UBE2W: variants seen among roughly 807,000 people sequenced by gnomAD.
UBE2W encodes ubiquitin-conjugating enzyme E2 W.
A neutral mutation model predicts 27.2 loss-of-function variants in UBE2W; 18 were observed. The observed-to-expected ratio is 0.66, with a 90% CI of 0.46 to 0.98. The LOEUF (loss-of-function observed/expected upper bound fraction) is 0.98. Ranked by LOEUF, UBE2W falls within the 50% of genes least tolerant of loss-of-function variation. UBE2W has a pLI of 0.00. For missense variants in UBE2W, 90 were observed against 180.2 expected (o/e 0.50, Z 2.87); for synonymous variants, 53 against 57.2 (o/e 0.93, Z 0.33).
intron 1 of UBE2W, among the ~76,000 whole-genome samples, chr8:73,849,371 G>C (rs1472654726): frequency 6.6e-6 from 1 of 151,894 alleles, no homozygotes; most frequent in Non-Finnish European, 1.5e-5. Context: ...AATCAGCTGG[G>C]CATGGTGGCG....
downstream of UBE2W, among the ~76,000 whole-genome samples, chr8:73,785,448 C>T (rs568436473): frequency 6.6e-6 from 1 of 152,128 alleles, no homozygotes; most frequent in Non-Finnish European, 1.5e-5. Flanking sequence ...TAGCCCATGA[C>T]AGTATTAAAG....
rs181242343 is a variant in UBE2W, at chr8:73,796,025, C to G, written c.443-1910G>C. The G allele has an allele frequency of 4.5e-4, 54 of 119,170 alleles. No homozygotes were observed. The Admixed American group carries it at 6.2e-3, about 14-fold the overall frequency. 7.4% of individuals were successfully genotyped at this position (119,170 alleles called of 1,614,324 possible). On this transcript the variant is annotated intron_variant, in intron 5 of 5. Coordinates refer to ENST00000602593, the MANE Select transcript of UBE2W (RefSeq NM_018299.6). ...ATCGCTTGAGTCTCAGAGGTTGAGG[C>G]TGCAGTGAGCCGTGATCCCTAGCCA... is the stretch of plus-strand genomic sequence containing the variant.
rs180965642 is a variant in UBE2W at position 73,870,623 on chromosome 8, A to G, written c.15+8185T>C. On this transcript the variant is annotated intron_variant, in intron 1 of 5. Coordinates refer to ENST00000602593, the MANE Select transcript of UBE2W (RefSeq NM_018299.6). The stretch of plus-strand genomic sequence containing the variant: ...GTGCTCACTTATTCATTTATTCGAC[A>G]TTTACTGAACTCTCCTACATGTCAG... 8.1e-4 allele frequency among the ~76,000 whole-genome samples: 124 copies of G among 152,226 alleles called. 1 individual carries two copies. Among genetic ancestry groups the G allele is most frequent in the Middle Eastern group, 3.4e-3 (1 of 294 alleles).
intron 1 of UBE2W, among the ~76,000 whole-genome samples, chr8:73,861,173 G>C (rs551436402): frequency 1.3e-5 from 2 of 152,178 alleles, no homozygotes; most frequent in Non-Finnish European, 2.9e-5. Flanking sequence ...ACTAATAATA[G>C]TTGCTAAATA....
intron 2 of UBE2W, among the ~76,000 whole-genome samples, chr8:73,827,448 G>T (rs1255729676): frequency 6.6e-6 from 1 of 151,972 alleles, no homozygotes; most frequent in Non-Finnish European, 1.5e-5. Context: ...TCCCGAACTC[G>T]GGTGATCTGC....
intron 5 of UBE2W, among the ~76,000 whole-genome samples, chr8:73,800,948 CG>C (rs1269731359): frequency 6.6e-6 from 1 of 151,998 alleles, no homozygotes; most frequent in East Asian, 1.9e-4. Context: ...CAAAATTAGC[CG>C]GGCGTGGTGG....
intron 1 of UBE2W, among the ~76,000 whole-genome samples, chr8:73,830,819 A>C (rs142132172): frequency 0.012 from 1,787 of 152,318 alleles, 131 homozygotes; most frequent in Admixed American, 0.11. Context: ...ACATCTTTCC[A>C]GTTATCCTTG....
chr8:73,823,832 T>C lies in UBE2W; in HGVS notation c.210+1315A>G, dbSNP rs146654946. 9.8e-5 allele frequency among the ~76,000 whole-genome samples: 15 copies of C among 152,334 alleles called. No individual in the cohort carries two copies. In the East Asian group the frequency reaches 2.9e-3, roughly 29 times the overall value. On this transcript the variant is annotated intron_variant, in intron 3 of 5. Transcript: ENST00000602593. ...CTATGCTTTAAAACAATTATCTCTT[T>C]ACTTATAGCATGATACAATAACTGA...
At chr8:73,811,241 G>T (rs943340216) in intron 3 of UBE2W, among the ~76,000 whole-genome samples, 4 of 152,086 alleles carry the variant, frequency 2.6e-5, no homozygotes, top group African/African-American at 9.7e-5. Context: ...CTCCCAATTT[G>T]CAGTTTTACT....
At chr8:73,818,083 T>C (rs770332806) in intron 3 of UBE2W, among the ~76,000 whole-genome samples, 21 of 152,208 alleles carry the variant, frequency 1.4e-4, no homozygotes, top group African/African-American at 4.3e-4. Context: ...CCAGTTCAAA[T>C]AGGTTTTTCT....
chr8:73,809,918 T>G (rs1290719400), intron 4 of UBE2W, among the ~76,000 whole-genome samples: 1 of 151,804 alleles, frequency 6.6e-6, no homozygotes, highest in Non-Finnish European at 1.5e-5. Flanking sequence ...TTTCTTTTTG[T>G]TTTTTTTCCC....
downstream of UBE2W, among the ~76,000 whole-genome samples, chr8:73,785,538 C>T (rs1010511922): frequency 8.5e-5 from 13 of 152,090 alleles, no homozygotes; most frequent in Admixed American, 8.5e-4. Flanking sequence ...CTCTATTGAA[C>T]CCATCGCCCA....
At position 73,790,316 on chromosome 8, in the gene UBE2W, CTACAAAGAGGAT is replaced by C; in HGVS notation, c.*3774_*3785del. 1 of 985,320 alleles carries C rather than the reference CTACAAAGAGGAT, an allele frequency of 1.0e-6. No homozygotes were observed. 61.0% of individuals were successfully genotyped at this position (985,320 alleles called of 1,614,324 possible). On this transcript the variant is annotated 3_prime_UTR_variant, in exon 6 of 6. Coordinates refer to ENST00000602593, the MANE Select transcript of UBE2W (RefSeq NM_018299.6). ...CAGATTTAAAACAATTTAAAAAGGA[CTACAAAGAGGAT>C]TGGGGCCAGTTGGTGCAGATTAAAA...
downstream of UBE2W, among the ~76,000 whole-genome samples, chr8:73,782,365 G>A (rs938368811): frequency 2.6e-5 from 4 of 152,022 alleles, no homozygotes; most frequent in African/African-American, 9.7e-5. Context: ...ATGAACATAT[G>A]TATCATTCCC....
At chr8:73,835,620 T>C (rs558353323) in intron 1 of UBE2W, among the ~76,000 whole-genome samples, 15 of 152,280 alleles carry the variant, frequency 9.9e-5, no homozygotes, top group African/African-American at 2.9e-4. Flanking sequence ...GGCATGCGTC[T>C]GTAATCTCGG....
At chr8:73,857,583 C>T (rs1006976413) in intron 1 of UBE2W, among the ~76,000 whole-genome samples, 27 of 151,942 alleles carry the variant, frequency 1.8e-4, no homozygotes, top group African/African-American at 4.6e-4. Flanking sequence ...TTTGTGAGGC[C>T]GAGATGGGCA....
intron 5 of UBE2W, chr8:73,796,517 T>C (rs1210436893): frequency 4.8e-6 from 2 of 420,984 alleles, no homozygotes; most frequent in Non-Finnish European, 6.4e-6. Flanking sequence ...AGGTTTTCTG[T>C]AGAACGTGCT....
At chr8:73,830,545 G>T in intron 1 of UBE2W, 73 bp from the exon 2 acceptor site, 1 of 1,170,822 alleles carries the variant, frequency 8.5e-7, no homozygotes, top group Non-Finnish European at 1.3e-6. Context: ...GAGTACAGTG[G>T]TGTGATCACA....
In UBE2W at chr8:73,792,132, A is replaced by G. The variant is rs1808230696; in HGVS notation, c.*1970T>C. The G allele has an allele frequency of 1.0e-6, 1 of 985,270 alleles. No individual in the cohort carries two copies. The highest frequency in any genetic ancestry group is 6.2e-5 in the Admixed American group (1 of 16,260). 61.0% of individuals were successfully genotyped at this position (985,270 alleles called of 1,614,324 possible). The stretch of plus-strand genomic sequence containing the variant: ...CAAAATATGAAAATACATAATTTAC[A>G]GCTGCAATTTTCATATTAAAAGCAG... On this transcript the variant is annotated 3_prime_UTR_variant, in exon 6 of 6. Transcript: ENST00000602593.
Sources: allele counts gnomAD v4.1 joint callset (sites outside exome capture counted in the v4.1 genomes callset), GRCh38; gene constraint gnomAD v4.1.1; transcripts MANE v1.5; gene names NCBI Gene and HGNC (gene_info 2026-07-23, HGNC 2026-07-21).